Variants in GPHN observed in about 807,000 individuals in gnomAD.
GPHN encodes the protein gephyrin.
A neutral mutation model predicts 95.5 loss-of-function variants in GPHN; 17 were observed. That is an observed-to-expected ratio of 0.18 (90% confidence interval 0.12 to 0.27). The LOEUF (loss-of-function observed/expected upper bound fraction) is 0.27, where lower values mean the gene tolerates loss of function less well. Among genes scored for constraint, GPHN ranks in the 10% least tolerant of loss-of-function variants. GPHN has a pLI of 1.00. For synonymous variants in GPHN, 320 were observed against 322.5 expected, an observed-to-expected ratio of 0.99 and a Z score of 0.08; for missense variants, 660 against 978.1, an observed-to-expected ratio of 0.67 and a Z score of 4.34.
At chr14:66,691,356 T>C (rs2067767359) in intron 2 of GPHN, among the ~76,000 whole-genome samples, 2 of 151,896 alleles carry the variant, frequency 1.3e-5, no homozygotes, top group African/African-American at 4.8e-5. Flanking sequence ...AGCTAATTTT[T>C]GTATTTTCGG....
At chr14:67,653,330 G>A in the GPHN span, 8 of 883,750 alleles carry the variant, frequency 9.1e-6, no homozygotes, top group East Asian at 7.8e-5. Context: ...GGGACTATGC[G>A]TCAACTGCTG....
chr14:66,551,202 G>C (rs2059799479), intron 1 of GPHN: 1 of 152,268 alleles, frequency 6.6e-6, no homozygotes, highest in South Asian at 2.1e-4. Context: ...TGTGTTTTTA[G>C]ATATAATGCT....
chr14:66,726,978 C>T (rs1371054851), intron 2 of GPHN, among the ~76,000 whole-genome samples: 13 of 151,968 alleles, frequency 8.6e-5, no homozygotes, highest in Non-Finnish European at 1.9e-4. Flanking sequence ...TGGCTGTGTC[C>T]CCCCTCAAAT....
the GPHN span, chr14:67,411,905 G>T: frequency 1.0e-6 from 1 of 967,080 alleles, no homozygotes; most frequent in Non-Finnish European, 1.5e-6. Context: ...CATGGGGGTT[G>T]GGGATGGGAA....
At chr14:67,324,289 T>C in the GPHN span, among the ~76,000 whole-genome samples, 4 of 152,238 alleles carry the variant, frequency 2.6e-5, no homozygotes, top group Non-Finnish European at 4.4e-5. Flanking sequence ...ATGGTTGAGG[T>C]AGTCCATGTC....
At chr14:67,073,422 T>C (rs1233177682) in intron 11 of GPHN, among the ~76,000 whole-genome samples, 1 of 152,158 alleles carries the variant, frequency 6.6e-6, no homozygotes, top group Non-Finnish European at 1.5e-5. Context: ...ATTGAAGCAT[T>C]TTCTGTGACC....
At chr14:67,167,937 T>C (rs546151125) in intron 20 of GPHN, among the ~76,000 whole-genome samples, 1 of 152,196 alleles carries the variant, frequency 6.6e-6, no homozygotes, top group Non-Finnish European at 1.5e-5. Flanking sequence ...CCACCCTTCC[T>C]CCTTTGAAGT....
the GPHN span, chr14:67,348,825 C>G: frequency 2.0e-5 from 10 of 488,014 alleles, no homozygotes; most frequent in Admixed American, 1.8e-4. Flanking sequence ...CAGCCGGAAC[C>G]TGCCTTCTTA....
At chr14:67,605,965 G>A in the GPHN span, among the ~76,000 whole-genome samples, 3 of 152,158 alleles carry the variant, frequency 2.0e-5, no homozygotes, top group Non-Finnish European at 4.4e-5. Flanking sequence ...GGGATTACAG[G>A]TGTGAGCCAC....
the GPHN span, among the ~76,000 whole-genome samples, chr14:67,213,716 T>G: frequency 6.6e-6 from 1 of 152,150 alleles, no homozygotes; most frequent in Non-Finnish European, 1.5e-5. Context: ...TATTTCTAGT[T>G]CTAGATCCCT....
the GPHN span, chr14:67,582,410 G>A: frequency 1.2e-6 from 1 of 861,366 alleles, no homozygotes; most frequent in East Asian, 2.7e-5. The surrounding 1 kb of genome is among the most constrained non-coding windows in gnomAD (Gnocchi z 5.0). Flanking sequence ...CGTGCAGATG[G>A]CTGGACTTGG....
chr14:67,192,388 C>G, the GPHN span, among the ~76,000 whole-genome samples: 1 of 151,580 alleles, frequency 6.6e-6, no homozygotes. Context: ...CTTTTATTTC[C>G]CTACCTAACA....
chr14:66,530,675 C>T (rs970809074), intron 1 of GPHN, among the ~76,000 whole-genome samples: 9 of 152,132 alleles, frequency 5.9e-5, no homozygotes, highest in Non-Finnish European at 1.2e-4. Context: ...CAGTTCCTTA[C>T]AGCACAGTCC....
At chr14:66,623,253 A>G (rs1474105380) in intron 1 of GPHN, among the ~76,000 whole-genome samples, 1 of 152,098 alleles carries the variant, frequency 6.6e-6, no homozygotes, top group Non-Finnish European at 1.5e-5. Context: ...TATAATGAGG[A>G]CAGCACACGA....
At chr14:67,414,113 C>G in the GPHN span, among the ~76,000 whole-genome samples, 1 of 152,156 alleles carries the variant, frequency 6.6e-6, no homozygotes, top group Admixed American at 6.5e-5. Flanking sequence ...CTGTCTTGGC[C>G]CCACCCAGAC....
chr14:66,659,352 A>T (rs550767613), intron 1 of GPHN, among the ~76,000 whole-genome samples: 3 of 152,054 alleles, frequency 2.0e-5, no homozygotes, highest in Non-Finnish European at 4.4e-5. Context: ...TTTTTCTTTT[A>T]AGATACAGAA....
the GPHN span, among the ~76,000 whole-genome samples, chr14:67,284,374 GATCTCT>G: frequency 6.8e-6 from 1 of 147,350 alleles, no homozygotes; most frequent in Non-Finnish European, 1.5e-5. Context: ...AAGGCAGGAG[GATCTCT>G]TGAGCCCAGG....
chr14:67,244,968 A>G, the GPHN span, among the ~76,000 whole-genome samples: 1 of 152,180 alleles, frequency 6.6e-6, no homozygotes, highest in African/African-American at 2.4e-5. Flanking sequence ...AGTCAGGAAA[A>G]AAAGATGTAA....
rs1308246645 is a variant in GPHN at position 66,681,022 on chromosome 14, T to A, written c.65-85T>A. 2.9e-5 allele frequency: 23 copies of A among 785,144 alleles called. No individual in the cohort carries two copies. In the Admixed American group the frequency reaches 4.5e-4, roughly 15 times the overall value. The allele number at this position is 785,144 out of a possible 1,614,324, so 48.6% of individuals were successfully genotyped here. A position where few individuals can be genotyped will look rare whatever the true frequency, so the allele number is the denominator to read the frequency against. On this transcript the variant is annotated intron_variant, in intron 1 of 22. Transcript: ENST00000478722. ...ATGAAAAAAAAAAAGCTATTTTTCA[T>A]TTCAAAATGTCTTTTGGTCAGCAAT...
Sources: allele counts gnomAD v4.1 joint callset (sites outside exome capture counted in the v4.1 genomes callset), GRCh38; gene constraint gnomAD v4.1.1; non-coding constraint Gnocchi (gnomAD v3.1); transcripts MANE v1.5; gene names NCBI Gene and HGNC (gene_info 2026-07-23, HGNC 2026-07-21).